The following CSMD1 variants were observed in gnomAD, a reference collection of about 807,000 sequenced individuals.
CSMD1 encodes CUB and sushi domain-containing protein 1.
A neutral mutation model predicts 417.5 loss-of-function variants in CSMD1; 213 were observed. The observed-to-expected ratio is 0.51, with a 90% CI of 0.46 to 0.57. The LOEUF (loss-of-function observed/expected upper bound fraction) is 0.57, where lower values mean the gene tolerates loss of function less well. Ranked by LOEUF, CSMD1 falls within the 20% of genes least tolerant of loss-of-function variation. The pLI is 0.00. For missense variants in CSMD1, 6,923 were observed against 4,529.7 expected, an observed-to-expected ratio of 1.53 and a Z score of -15.17; for synonymous variants, 2,862 against 1,736.8, an observed-to-expected ratio of 1.65 and a Z score of -16.11.
intron 4 of CSMD1, among the ~76,000 whole-genome samples, chr8:4,022,114 T>C (rs532877353): frequency 1.9e-4 from 20 of 106,144 alleles, no homozygotes; most frequent in Non-Finnish European, 3.4e-4. Context: ...TATGAATGGA[T>C]ATAGAATATA....
At chr8:4,249,506 T>C (rs1416218287) in intron 3 of CSMD1, among the ~76,000 whole-genome samples, 1 of 152,182 alleles carries the variant, frequency 6.6e-6, no homozygotes, top group African/African-American at 2.4e-5. Flanking sequence ...CGGAAGGATG[T>C]AGAGAGCTCC....
At chr8:4,941,740 A>G (rs1212633643) in intron 1 of CSMD1, among the ~76,000 whole-genome samples, 1 of 152,138 alleles carries the variant, frequency 6.6e-6, no homozygotes, top group South Asian at 2.1e-4. Context: ...TTGGGACCAC[A>G]GGCATGTGCC....
intron 26 of CSMD1, among the ~76,000 whole-genome samples, chr8:3,248,596 C>T (rs530815668): frequency 7.2e-6 from 1 of 139,392 alleles, no homozygotes; most frequent in East Asian, 2.2e-4. Context: ...GTGGCGCGAT[C>T]TCAGCTCACT....
intron 5 of CSMD1, among the ~76,000 whole-genome samples, chr8:3,933,160 C>G (rs1810269965): frequency 6.6e-6 from 1 of 151,284 alleles, no homozygotes; most frequent in Non-Finnish European, 1.5e-5. Flanking sequence ...TATCTAAAGT[C>G]CACCTCCGTG....
chr8:3,829,568 T>C (rs376264978), intron 5 of CSMD1, among the ~76,000 whole-genome samples: 226 of 152,302 alleles, frequency 1.5e-3, no homozygotes, highest in African/African-American at 4.6e-3. Flanking sequence ...TTTTCCCTGC[T>C]GTAACCTCCA....
intron 1 of CSMD1, among the ~76,000 whole-genome samples, chr8:4,738,311 T>C (rs1810373099): frequency 1.3e-5 from 2 of 152,230 alleles, no homozygotes; most frequent in Non-Finnish European, 2.9e-5. Context: ...AGGAAACATC[T>C]TAATTGACTA....
intron 3 of CSMD1, among the ~76,000 whole-genome samples, chr8:4,204,230 C>T (rs546980848): frequency 3.3e-5 from 5 of 152,138 alleles, no homozygotes; most frequent in Admixed American, 6.5e-5. Context: ...CCAGAACATC[C>T]TCTTTTTTCT....
intron 4 of CSMD1, among the ~76,000 whole-genome samples, chr8:4,021,193 T>C (rs1264648320): frequency 2.6e-5 from 4 of 152,214 alleles, no homozygotes; most frequent in Non-Finnish European, 5.9e-5. Context: ...CAAAATGGCA[T>C]AACTGAAATA....
Position 4,637,333 on chromosome 8 carries a change from ATACCT to A in CSMD1, c.302+4_302+8del. On this transcript the variant is annotated splice_donor_5th_base_variant and intron_variant, in intron 2 of 69. Transcript: ENST00000635120. ...GTGCTAACTGTAATATAAAAAGTTG[ATACCT>A]TACCTCACTTTTAAATTCCCTTGTT... is the stretch of plus-strand genomic sequence containing the variant. 6.3e-7 allele frequency: 1 copy of A among 1,594,456 alleles called. No individual in the cohort carries two copies. Among genetic ancestry groups the A allele is most frequent in the Non-Finnish European group, 8.6e-7 (1 of 1,162,406 alleles).
intron 4 of CSMD1, among the ~76,000 whole-genome samples, chr8:4,021,490 C>G (rs1052509244): frequency 6.6e-6 from 1 of 152,152 alleles, no homozygotes; most frequent in African/African-American, 2.4e-5. Context: ...GTTGAATCCG[C>G]TACATCCCCA....
intron 3 of CSMD1, among the ~76,000 whole-genome samples, chr8:4,382,932 CATT>C (rs1437127056): frequency 6.6e-5 from 10 of 152,126 alleles, no homozygotes; most frequent in African/African-American, 2.4e-4. Context: ...GGTGTACATT[CATT>C]TTATCACCTA....
chr8:4,106,442 A>C (rs1258003087), intron 3 of CSMD1, among the ~76,000 whole-genome samples: 2 of 152,208 alleles, frequency 1.3e-5, no homozygotes, highest in Non-Finnish European at 2.9e-5. Flanking sequence ...ATAGAATTTT[A>C]CACACCAAAC....
At chr8:3,789,441 TG>T (rs1357425679) in intron 5 of CSMD1, among the ~76,000 whole-genome samples, 36 of 54,688 alleles carry the variant, frequency 6.6e-4, no homozygotes, top group South Asian at 2.0e-3. Flanking sequence ...TTTTTTTAAG[TG>T]TTTTTTTTTT....
intron 5 of CSMD1, among the ~76,000 whole-genome samples, chr8:3,807,616 T>C (rs994027936): frequency 1.1e-4 from 16 of 152,350 alleles, no homozygotes; most frequent in African/African-American, 3.8e-4. Flanking sequence ...AACATAATTG[T>C]GTTTCAGTTG....
intron 1 of CSMD1, among the ~76,000 whole-genome samples, chr8:4,825,596 C>A (rs547021302): frequency 1.6e-5 from 1 of 63,912 alleles, no homozygotes; most frequent in Non-Finnish European, 4.0e-5. Flanking sequence ...TCAAAAAGCA[C>A]AGAAAAGAAA....
chr8:4,172,639 C>G (rs935276995), intron 3 of CSMD1, among the ~76,000 whole-genome samples: 1 of 152,194 alleles, frequency 6.6e-6, no homozygotes, highest in African/African-American at 2.4e-5. Flanking sequence ...TTTATGAACT[C>G]CTGCGGTCCT....
intron 23 of CSMD1, among the ~76,000 whole-genome samples, chr8:3,321,602 G>A (rs544225264): frequency 5.8e-4 from 89 of 152,282 alleles, no homozygotes; most frequent in African/African-American, 2.1e-3. Context: ...ATTGTTTACT[G>A]TATCCTCTGA....
chr8:3,865,988 A>G (rs962712472), intron 5 of CSMD1, among the ~76,000 whole-genome samples: 10 of 152,204 alleles, frequency 6.6e-5, no homozygotes, highest in African/African-American at 2.2e-4. Flanking sequence ...GAATTTCACC[A>G]TCATCTGTAG....
intron 3 of CSMD1, among the ~76,000 whole-genome samples, chr8:4,336,108 G>A (rs141827705): frequency 2.0e-5 from 3 of 152,088 alleles, no homozygotes; most frequent in East Asian, 1.9e-4. Context: ...AATAGTGTAA[G>A]TATTTTTCCT....
Sources: gnomAD v4.1 joint callset for allele counts (sites outside exome capture counted in the v4.1 genomes callset) on GRCh38, gnomAD v4.1.1 for gene constraint, MANE v1.5 for transcripts, NCBI Gene and HGNC (gene_info 2026-07-23, HGNC 2026-07-21) for gene names.